The following LSAMP variants were observed in gnomAD, a reference collection of about 807,000 sequenced individuals.
The protein encoded by LSAMP is limbic system-associated membrane protein.
In LSAMP, 7 loss-of-function variants were observed where a neutral mutation model predicts 38.6. The observed-to-expected ratio is 0.18, with a 90% CI of 0.10 to 0.34. The LOEUF (loss-of-function observed/expected upper bound fraction) is 0.34, where lower values mean the gene tolerates loss of function less well. Among genes scored for constraint, LSAMP ranks in the 10% least tolerant of loss-of-function variants. The probability of loss-of-function intolerance (pLI) is 1.00; values close to 1 mark genes in which losing one functional copy is unlikely to be tolerated. For synonymous variants in LSAMP, 154 were observed against 166.8 expected (o/e 0.92, Z 0.59); for missense variants, 313 against 420.0 (o/e 0.75, Z 2.23).
intron 1 of LSAMP, among the ~76,000 whole-genome samples, chr3:116,164,148 A>C (rs1471389482): frequency 6.6e-6 from 1 of 152,164 alleles, no homozygotes. Flanking sequence ...AGTGCTTTTT[A>C]ATCCAAACAT....
intron 1 of LSAMP, among the ~76,000 whole-genome samples, chr3:116,140,626 A>G (rs1417635878): frequency 6.6e-6 from 1 of 151,986 alleles, no homozygotes; most frequent in Non-Finnish European, 1.5e-5. Flanking sequence ...GGGAAATATA[A>G]TTCATATTTG....
At chr3:116,153,459 A>G (rs1299642687) in intron 1 of LSAMP, among the ~76,000 whole-genome samples, 1 of 152,170 alleles carries the variant, frequency 6.6e-6, no homozygotes, top group Admixed American at 6.6e-5. Context: ...GACTTATCAA[A>G]CTGTGCTATC....
chr3:116,065,946 C>T (rs1707417677), intron 2 of LSAMP, among the ~76,000 whole-genome samples: 1 of 152,148 alleles, frequency 6.6e-6, no homozygotes, highest in Non-Finnish European at 1.5e-5. Flanking sequence ...AATATACACT[C>T]ATGTGTTTAT....
At chr3:116,080,066 G>A (rs181498524) in intron 2 of LSAMP, among the ~76,000 whole-genome samples, 1 of 152,216 alleles carries the variant, frequency 6.6e-6, no homozygotes, top group African/African-American at 2.4e-5. Flanking sequence ...ATATGATATT[G>A]CGTAAATCCA....
chr3:116,202,617 T>G (rs1448090714), intron 1 of LSAMP, among the ~76,000 whole-genome samples: 1 of 151,476 alleles, frequency 6.6e-6, no homozygotes, highest in Admixed American at 6.6e-5. Context: ...GCTACAGGAG[T>G]CCCGCTTTGT....
At chr3:116,002,481 C>T (rs991183705) in intron 3 of LSAMP, among the ~76,000 whole-genome samples, 10 of 152,108 alleles carry the variant, frequency 6.6e-5, no homozygotes, top group African/African-American at 2.4e-4. Flanking sequence ...TTTTGGTTGT[C>T]TTCCCAGCTG....
intron 2 of LSAMP, among the ~76,000 whole-genome samples, chr3:116,058,276 A>G (rs1941527832): frequency 6.6e-6 from 1 of 152,098 alleles, no homozygotes; most frequent in African/African-American, 2.4e-5. Context: ...TGGGTCTCCC[A>G]CTAGACTCTT....
At position 116,337,267 on chromosome 3, in the gene LSAMP, T is replaced by G. The variant is rs1171513855; in HGVS notation, c.155+107610A>C. Among the ~76,000 whole-genome samples the G allele has an allele frequency of 7.9e-5, 12 of 152,076 alleles. No homozygotes were observed. In the South Asian group the frequency reaches 1.0e-3, roughly 13 times the overall value. ...GATGTTGGTAACTGTTGCACAACATTATGATGTATTTGGTACACTAAACTA... is the reference window on the plus strand; with the variant it reads ...GATGTTGGTAACTGTTGCACAACATGATGATGTATTTGGTACACTAAACTA... On this transcript the variant is annotated intron_variant, in intron 1 of 6. Coordinates refer to ENST00000490035, the MANE Select transcript of LSAMP (RefSeq NM_002338.5).
chr3:116,199,669 A>T (rs931143794), intron 1 of LSAMP, among the ~76,000 whole-genome samples: 6 of 152,228 alleles, frequency 3.9e-5, no homozygotes, highest in African/African-American at 9.6e-5. Context: ...TTTCCAGAAG[A>T]TGAACAGTAT....
intron 6 of LSAMP, among the ~76,000 whole-genome samples, chr3:115,828,112 A>G (rs1934484928): frequency 6.6e-6 from 1 of 152,220 alleles, no homozygotes; most frequent in African/African-American, 2.4e-5. Flanking sequence ...ACCAGTGTTT[A>G]GAAGTGAATG....
chr3:116,019,188 A>C (rs575622736), intron 3 of LSAMP, among the ~76,000 whole-genome samples: 1 of 151,200 alleles, frequency 6.6e-6, no homozygotes, highest in East Asian at 2.0e-4. Flanking sequence ...ATTGAAACTG[A>C]AATTTTACAG....
chr3:115,812,825 A>G (rs1403183171), intron 6 of LSAMP, among the ~76,000 whole-genome samples: 3 of 152,200 alleles, frequency 2.0e-5, no homozygotes, highest in Non-Finnish European at 2.9e-5. Flanking sequence ...TCTTGTAGAC[A>G]TCCTGGAGCT....
chr3:115,967,596 A>C (rs1938860964), intron 3 of LSAMP, among the ~76,000 whole-genome samples: 1 of 152,148 alleles, frequency 6.6e-6, no homozygotes, highest in Non-Finnish European at 1.5e-5. Flanking sequence ...GCTGATAAAG[A>C]CATGCTTGAG....
chr3:115,851,216 C>T (rs1449074356), intron 4 of LSAMP, among the ~76,000 whole-genome samples: 6 of 152,106 alleles, frequency 3.9e-5, no homozygotes, highest in South Asian at 4.2e-4. Flanking sequence ...TCAGGTGATC[C>T]GCCTGTCTCA....
intron 6 of LSAMP, among the ~76,000 whole-genome samples, chr3:115,834,210 G>T (rs1212645824): frequency 6.6e-6 from 1 of 152,128 alleles, no homozygotes; most frequent in African/African-American, 2.4e-5. Flanking sequence ...GTCAGTCAGA[G>T]AATTGGTATT....
chr3:116,074,964 G>A (rs1485529132), intron 2 of LSAMP, among the ~76,000 whole-genome samples: 1 of 148,874 alleles, frequency 6.7e-6, no homozygotes, highest in African/African-American at 2.5e-5. Flanking sequence ...AGCCTCCCGA[G>A]TAGCTGGAAT....
intron 1 of LSAMP, among the ~76,000 whole-genome samples, chr3:116,385,366 G>GCC: frequency 6.6e-6 from 1 of 152,268 alleles, no homozygotes; most frequent in African/African-American, 2.4e-5. Context: ...AAATAGTAAG[G>GCC]TGTACATAAG....
At chr3:116,053,440 C>G (rs545759416) in intron 2 of LSAMP, among the ~76,000 whole-genome samples, 35 of 152,248 alleles carry the variant, frequency 2.3e-4, no homozygotes, top group African/African-American at 7.5e-4. Context: ...ATAAAAACAA[C>G]AAGCTAAAAG....
intron 1 of LSAMP, among the ~76,000 whole-genome samples, chr3:116,260,009 T>C (rs1035978315): frequency 2.0e-5 from 3 of 152,178 alleles, no homozygotes; most frequent in Non-Finnish European, 1.5e-5. Flanking sequence ...TTCTTCTCAA[T>C]ATTCCCCCTG....
Sources: gnomAD v4.1 joint callset for allele counts (sites outside exome capture counted in the v4.1 genomes callset) on GRCh38, gnomAD v4.1.1 for gene constraint, MANE v1.5 for transcripts, NCBI Gene and HGNC (gene_info 2026-07-23, HGNC 2026-07-21) for gene names.